Variants in TLK1 observed in about 807,000 individuals in gnomAD.
TLK1 encodes serine/threonine-protein kinase tousled-like 1.
A neutral mutation model predicts 105.3 loss-of-function variants in TLK1; 24 were observed. That is an observed-to-expected ratio of 0.23 (90% CI 0.17 to 0.32). The LOEUF (loss-of-function observed/expected upper bound fraction) is 0.32, where lower values mean the gene tolerates loss of function less well. TLK1 is among the 10% of genes least tolerant of loss of function. The pLI, the probability that TLK1 is intolerant of heterozygous loss-of-function variation, is 1.00. For missense variants in TLK1, 558 were observed against 910.5 expected, an observed-to-expected ratio of 0.61 and a Z score of 4.98; for synonymous variants, 321 against 310.4, an observed-to-expected ratio of 1.03 and a Z score of -0.36.
At chr2:171,205,246 T>C (rs1693481914) in intron 1 of TLK1, among the ~76,000 whole-genome samples, 1 of 151,806 alleles carries the variant, frequency 6.6e-6, no homozygotes, top group Non-Finnish European at 1.5e-5. Context: ...TCATAGGTGT[T>C]CCATCTATCG....
At chr2:171,204,048 T>TG (rs1305583417) in intron 1 of TLK1, among the ~76,000 whole-genome samples, 6 of 151,710 alleles carry the variant, frequency 4.0e-5, no homozygotes, top group Non-Finnish European at 7.4e-5. Context: ...AGAGAGACTC[T>TG]GTCTCAGAAA....
intron 11 of TLK1, among the ~76,000 whole-genome samples, chr2:171,033,891 T>TAA (rs763910676): frequency 6.0e-5 from 8 of 134,440 alleles, no homozygotes; most frequent in African/African-American, 8.0e-5. Context: ...TCCAGATTTT[T>TAA]TAAAAAAAAA....
rs201698191 is a variant in TLK1 at position 171,134,680 on chromosome 2, A to AG, written c.140-16824_140-16823insC. 4.8e-3 allele frequency among the ~76,000 whole-genome samples: 687 copies of AG among 144,452 alleles called. 7 individuals carry two copies. Among genetic ancestry groups the AG allele is most frequent in the African/African-American group, 0.016 (631 of 39,456 alleles). The allele number at this position is 144,452 out of a possible 152,430, so 94.8% of individuals were successfully genotyped here. A position where few individuals can be genotyped will look rare whatever the true frequency, so the allele number is the denominator to read the frequency against. ...AAATGTCCATCAACAGATGAATAGG[A>AG]AAAAAAAAAAAATGTGGTATATATA... On this transcript the variant is annotated intron_variant, in intron 1 of 20. Coordinates refer to ENST00000431350, the MANE Select transcript of TLK1 (RefSeq NM_012290.5).
At chr2:171,056,375 T>G (rs537910142) in intron 6 of TLK1, 96 bp downstream of exon 6, 4 of 885,252 alleles carry the variant, frequency 4.5e-6, no homozygotes, top group African/African-American at 3.4e-5. Context: ...CTTATTTATA[T>G]AGAAGTTCTC....
intron 1 of TLK1, among the ~76,000 whole-genome samples, chr2:171,140,851 C>CACAG (rs1418497994): frequency 5.3e-5 from 8 of 152,080 alleles, no homozygotes; most frequent in African/African-American, 1.9e-4. Flanking sequence ...AGTTATCAGA[C>CACAG]ACAGACTCTC....
intron 1 of TLK1, among the ~76,000 whole-genome samples, chr2:171,129,382 A>C (rs969263161): frequency 1.3e-5 from 2 of 152,198 alleles, no homozygotes; most frequent in African/African-American, 4.8e-5. Flanking sequence ...CTATCCCAAT[A>C]ATACAGGGTG....
chr2:171,134,677 A>AG, intron 1 of TLK1, among the ~76,000 whole-genome samples: 1 of 150,486 alleles, frequency 6.6e-6, no homozygotes, highest in Non-Finnish European at 1.5e-5. Context: ...ACAGATGAAT[A>AG]GGAAAAAAAA....
chr2:171,104,888 T>C (rs943794553), intron 2 of TLK1, among the ~76,000 whole-genome samples: 1 of 152,218 alleles, frequency 6.6e-6, no homozygotes, highest in African/African-American at 2.4e-5. Context: ...GAAATAAATC[T>C]ATGCATTTAT....
intron 14 of TLK1, among the ~76,000 whole-genome samples, chr2:171,011,062 T>C (rs1684892719): frequency 6.6e-6 from 1 of 152,210 alleles, no homozygotes; most frequent in African/African-American, 2.4e-5. Flanking sequence ...TAGAGTGCAG[T>C]GGTGCAATCA....
chr2:170,992,491 G>T lies in TLK1; in HGVS notation c.*1289C>A, dbSNP rs1020563126. 4 of 152,428 alleles carry T rather than the reference G, an allele frequency of 2.6e-5. No homozygotes were observed. The highest frequency in any genetic ancestry group is 9.7e-5 in the African/African-American group (4 of 41,402). 9.4% of individuals were successfully genotyped at this position (152,428 alleles called of 1,614,324 possible). A position where few individuals can be genotyped will look rare whatever the true frequency, so the allele number is the denominator to read the frequency against. On this transcript the variant is annotated 3_prime_UTR_variant, in exon 21 of 21. Transcript: ENST00000431350. ...AAAACGTTCACATTTTAACAAATCT[G>T]TACAAACCACAAGAAATTTGCTTAT...
chr2:171,153,349 T>C (rs1007627135), intron 1 of TLK1, among the ~76,000 whole-genome samples: 1 of 152,236 alleles, frequency 6.6e-6, no homozygotes, highest in Non-Finnish European at 1.5e-5. Context: ...GCTATTACTG[T>C]TACTGTTATC....
chr2:171,022,475 C>T (rs1257224053), intron 12 of TLK1, among the ~76,000 whole-genome samples: 1 of 152,084 alleles, frequency 6.6e-6, no homozygotes, highest in African/African-American at 2.4e-5. Context: ...TTTTAACATT[C>T]TTCATGGGCT....
intron 1 of TLK1, among the ~76,000 whole-genome samples, chr2:171,132,927 C>T (rs143678016): frequency 4.7e-4 from 71 of 152,274 alleles, no homozygotes; most frequent in East Asian, 3.9e-4. Context: ...CTCTCAGCAA[C>T]GATTTCTTTA....
intron 4 of TLK1, chr2:171,059,983 A>C (rs1687674629): frequency 1.9e-6 from 3 of 1,612,424 alleles, no homozygotes; most frequent in African/African-American, 2.7e-5. Context: ...GAGGTTGGGG[A>C]ACCCTGCAGA....
At position 171,160,219 on chromosome 2, in the gene TLK1, G is replaced by GGGGGGGCA. The variant is rs1457993498; in HGVS notation, c.139+70_139+71insTGCCCCCC. ...GAGAAGCCCCGGGGCGGGGGGGGCG[G>GGGGGGGCA]GGGGGGGGCGCGGGGGTCCGCGGCG... On this transcript the variant is annotated intron_variant, in intron 1 of 20. Coordinates refer to ENST00000431350, the MANE Select transcript of TLK1 (RefSeq NM_012290.5). The surrounding 1 kb of genome is among the most constrained non-coding windows in gnomAD (Gnocchi z 4.4). 6.3e-5 allele frequency: 79 copies of GGGGGGGCA among 1,257,496 alleles called. No homozygotes were observed. In the East Asian group the frequency reaches 2.3e-3, roughly 37 times the overall value. 77.9% of individuals were successfully genotyped at this position (1,257,496 alleles called of 1,614,324 possible). A position where few individuals can be genotyped will look rare whatever the true frequency, so the allele number is the denominator to read the frequency against.
rs186816944 is a variant in TLK1, at chr2:171,181,802, C to T, written c.-6+49343G>A. On this transcript the variant is annotated intron_variant, in intron 1 of 20. Transcript: ENST00000521943. The stretch of plus-strand genomic sequence containing the variant: ...AGGTCCCACCTCCAACATTAGGGAT[C>T]AAATTTCAATGTGAGATTCGAAGGG... 2.0e-5 allele frequency among the ~76,000 whole-genome samples: 3 copies of T among 152,296 alleles called. No homozygotes were observed. The East Asian group carries it at 5.8e-4, about 29-fold the overall frequency.
rs2356596 is a variant in TLK1, at chr2:171,070,871, T to C, written c.331-9715A>G. Among the ~76,000 whole-genome samples, 243 of 152,364 alleles carry C rather than the reference T, an allele frequency of 1.6e-3. 5 individuals are homozygous for C. In the East Asian group the frequency reaches 0.042, roughly 26 times the overall value. On this transcript the variant is annotated intron_variant, in intron 3 of 20. Transcript: ENST00000431350. ...GAACTGTTCTTCATAGTGGTTGTAC[T>C]AATCTTCACTTCTACCAACAGTGTA...
intron 6 of TLK1, among the ~76,000 whole-genome samples, chr2:171,056,158 A>T (rs1449347620): frequency 6.6e-6 from 1 of 152,062 alleles, no homozygotes; most frequent in Non-Finnish European, 1.5e-5. Flanking sequence ...GGAATCAACA[A>T]CTGAATACAG....
chr2:171,204,575 G>A (rs1321605213), intron 1 of TLK1, among the ~76,000 whole-genome samples: 1 of 151,418 alleles, frequency 6.6e-6, no homozygotes, highest in Non-Finnish European at 1.5e-5. Flanking sequence ...AAAAAAGGTA[G>A]TTATGGCTAA....
Sources: gnomAD v4.1 joint callset for allele counts (sites outside exome capture counted in the v4.1 genomes callset) on GRCh38, gnomAD v4.1.1 for gene constraint, Gnocchi (gnomAD v3.1) non-coding constraint, MANE v1.5 for transcripts, NCBI Gene and HGNC (gene_info 2026-07-23, HGNC 2026-07-21) for gene names.